GABBR2: variants seen among roughly 807,000 people sequenced by gnomAD.
The protein encoded by GABBR2 is G-protein coupled receptor 51.
A neutral mutation model predicts 105.6 loss-of-function variants in GABBR2; 23 were observed. The ratio of observed to expected loss-of-function variants is 0.22; its 90% CI spans 0.16 to 0.31. The LOEUF (loss-of-function observed/expected upper bound fraction) is 0.31, where lower values mean the gene tolerates loss of function less well. GABBR2 is among the 10% of genes least tolerant of loss of function. The pLI, the probability that GABBR2 is intolerant of heterozygous loss-of-function variation, is 1.00. For missense variants in GABBR2, 734 were observed against 1,245.5 expected (o/e 0.59, Z 6.18); for synonymous variants, 478 against 499.7 (o/e 0.96, Z 0.58).
In GABBR2 at chr9:98,393,817, ATCT is replaced by A. The variant is rs568520372; in HGVS notation, c.1378+355_1378+357del. Among the ~76,000 whole-genome samples, 10 of 152,348 alleles carry A rather than the reference ATCT, an allele frequency of 6.6e-5. No homozygotes were observed. In the East Asian group the frequency reaches 1.9e-3, roughly 29 times the overall value. Reference sequence around the variant, plus strand: ...GTTCTCTAGCAGAGGAGAAGAAATAATCTTCTAGGAAGAGCAGCAGATAGACAG... The same window carrying A: ...GTTCTCTAGCAGAGGAGAAGAAATAATCTAGGAAGAGCAGCAGATAGACAG... On this transcript the variant is annotated intron_variant, in intron 9 of 18. Transcript: ENST00000259455.
intron 6 of GABBR2, among the ~76,000 whole-genome samples, chr9:98,468,606 G>T (rs1407014133): frequency 4.6e-5 from 7 of 152,172 alleles, no homozygotes; most frequent in Non-Finnish European, 1.5e-5. Flanking sequence ...ATCCAACCTT[G>T]CACTTGCATG....
intron 2 of GABBR2, among the ~76,000 whole-genome samples, chr9:98,567,897 G>A (rs935047402): frequency 5.3e-5 from 8 of 152,190 alleles, no homozygotes; most frequent in Non-Finnish European, 7.4e-5. Context: ...GTGGTGTTGG[G>A]TGGTGGATTT....
intron 1 of GABBR2, among the ~76,000 whole-genome samples, chr9:98,704,435 T>C (rs758093382): frequency 6.6e-6 from 1 of 152,058 alleles, no homozygotes; most frequent in African/African-American, 2.4e-5. Flanking sequence ...AGAAAACATA[T>C]AGGTCCAACA....
intron 1 of GABBR2, among the ~76,000 whole-genome samples, chr9:98,643,822 G>A (rs1829998443): frequency 1.3e-5 from 2 of 152,188 alleles, no homozygotes; most frequent in Non-Finnish European, 2.9e-5. Context: ...TGCTGGCATT[G>A]CTGAAAACTG....
chr9:98,303,516 T>A, intron 15 of GABBR2, 93 bp from the exon 16 acceptor site: 1 of 1,167,708 alleles, frequency 8.6e-7, no homozygotes, highest in Non-Finnish European at 1.2e-6. Flanking sequence ...GATCCTGCTC[T>A]GGAGGCGATA....
chr9:98,392,472 G>A (rs569571692), intron 9 of GABBR2, among the ~76,000 whole-genome samples: 3 of 152,172 alleles, frequency 2.0e-5, no homozygotes, highest in African/African-American at 4.8e-5. Flanking sequence ...TATGTCTGGT[G>A]ACAGCTCCCT....
chr9:98,502,552 TCTGCATGCC>T (rs1020462962), intron 3 of GABBR2, among the ~76,000 whole-genome samples: 19 of 152,296 alleles, frequency 1.2e-4, no homozygotes, highest in African/African-American at 4.6e-4. Context: ...CAAGACTGTA[TCTGCATGCC>T]CTGCCAGGCT....
intron 1 of GABBR2, among the ~76,000 whole-genome samples, chr9:98,621,226 G>A (rs1829666395): frequency 2.0e-5 from 3 of 152,218 alleles, no homozygotes; most frequent in Admixed American, 2.0e-4. Flanking sequence ...GCTCAGAGAG[G>A]TTGAACAGCT....
intron 1 of GABBR2, among the ~76,000 whole-genome samples, chr9:98,700,278 C>T (rs528363609): frequency 6.6e-6 from 1 of 152,244 alleles, no homozygotes; most frequent in South Asian, 2.1e-4. Flanking sequence ...CAAGTAGGCC[C>T]CACCCTCCTT....
rs573679545 is a variant in GABBR2 at position 98,483,491 on chromosome 9, A to G, written c.733-2494T>C. Reference sequence around the variant, plus strand: ...GATCAAACACTGAGCTCCTTAGCACATTCAAGATGTGCTAAAGATAGAGAT... The same window carrying G: ...GATCAAACACTGAGCTCCTTAGCACGTTCAAGATGTGCTAAAGATAGAGAT... On this transcript the variant is annotated intron_variant, in intron 4 of 18. Coordinates refer to ENST00000259455, the MANE Select transcript of GABBR2 (RefSeq NM_005458.8). 1.9e-4 allele frequency among the ~76,000 whole-genome samples: 29 copies of G among 152,320 alleles called. 1 individual carries two copies. The highest frequency in any genetic ancestry group is 1.2e-3 in the South Asian group (6 of 4,824).
At chr9:98,523,067 G>A (rs1827896086) in intron 3 of GABBR2, among the ~76,000 whole-genome samples, 1 of 152,118 alleles carries the variant, frequency 6.6e-6, no homozygotes, top group African/African-American at 2.4e-5. Context: ...ATGAGGATGA[G>A]ATATTATTTA....
chr9:98,651,292 C>T (rs895430263), intron 1 of GABBR2, among the ~76,000 whole-genome samples: 1 of 151,800 alleles, frequency 6.6e-6, no homozygotes, highest in African/African-American at 2.4e-5. Context: ...TACAGGCATG[C>T]ACCACCACGC....
chr9:98,426,451 C>T (rs781476997), intron 7 of GABBR2, among the ~76,000 whole-genome samples: 8 of 152,190 alleles, frequency 5.3e-5, no homozygotes, highest in Non-Finnish European at 7.3e-5. Flanking sequence ...GGACAGTCTC[C>T]CAGGCTCTCC....
chr9:98,465,283 A>C (rs1337202634), intron 6 of GABBR2, among the ~76,000 whole-genome samples: 1 of 152,158 alleles, frequency 6.6e-6, no homozygotes, highest in Non-Finnish European at 1.5e-5. Context: ...GTGTGGGAAA[A>C]GATGGACTTT....
At chr9:98,295,535 C>CTT (rs72371187) in intron 17 of GABBR2, among the ~76,000 whole-genome samples, 2 of 151,394 alleles carry the variant, frequency 1.3e-5, no homozygotes, top group African/African-American at 2.4e-5. Context: ...AATGAGATGT[C>CTT]TTTTTTTTTG....
chr9:98,403,121 C>T (rs1832423942), intron 8 of GABBR2, among the ~76,000 whole-genome samples: 1 of 151,884 alleles, frequency 6.6e-6, no homozygotes, highest in South Asian at 2.1e-4. Context: ...TGGTGAAACC[C>T]CATCTCTACT....
intron 10 of GABBR2, 40 bp from the exon 11 acceptor site, chr9:98,385,812 A>C (rs764680143): frequency 6.4e-7 from 1 of 1,550,532 alleles, no homozygotes; most frequent in Non-Finnish European, 8.9e-7. Context: ...CAGAATGGTT[A>C]ATTTAGTTAT....
At chr9:98,691,310 A>C (rs1830678730) in intron 1 of GABBR2, among the ~76,000 whole-genome samples, 1 of 152,072 alleles carries the variant, frequency 6.6e-6, no homozygotes. Flanking sequence ...AGGTAAACTC[A>C]TCTCCCTGTT....
At chr9:98,623,519 C>T (rs186642408) in intron 1 of GABBR2, among the ~76,000 whole-genome samples, 2 of 152,374 alleles carry the variant, frequency 1.3e-5, no homozygotes, top group East Asian at 1.9e-4. Context: ...ATGGATCTCA[C>T]TGGGCTAAAA....
Sources: allele counts gnomAD v4.1 joint callset (sites outside exome capture counted in the v4.1 genomes callset), GRCh38; gene constraint gnomAD v4.1.1; transcripts MANE v1.5; gene names NCBI Gene and HGNC (gene_info 2026-07-23, HGNC 2026-07-21).